The following BFSP1 variants were observed in gnomAD, a reference collection of about 807,000 sequenced individuals.
BFSP1 encodes the protein filensin.
BFSP1 carries 38 observed loss-of-function variants against 43.9 expected under a neutral mutation model. That is an observed-to-expected ratio of 0.87 (90% confidence interval 0.67 to 1.14). BFSP1 has a LOEUF of 1.14. Among genes scored for constraint, BFSP1 ranks in the 50% most tolerant of loss-of-function variants. The pLI is 0.00. For synonymous variants in BFSP1, 352 were observed against 354.8 expected, an observed-to-expected ratio of 0.99 and a Z score of 0.09; for missense variants, 850 against 875.1, an observed-to-expected ratio of 0.97 and a Z score of 0.36.
Position 17,494,368 on chromosome 20 carries a change from C to A in BFSP1, c.1704G>T (p.Glu568Asp), listed in dbSNP as rs1317947125. The change falls in exon 8 of 8, where the codon GAG (glutamate) becomes GAT (aspartate). Residue 568 changes from glutamate to aspartate, a missense_variant. Glu to Asp is a conservative substitution (Grantham distance 45, BLOSUM62 2). Transcript: ENST00000377873. ...TGACCATGGCACAGGGTCTCCTGGA[C>A]TCTTCGTCCCGCTCCTCACCCTCAC... ...EKREGEERDE[E>D]SRRPCAMVTP... is the part of the protein sequence containing the mutation. The A allele has an allele frequency of 1.2e-6, 2 of 1,614,104 alleles. No individual in the cohort carries two copies. The highest frequency in any genetic ancestry group is 4.5e-5 in the East Asian group (2 of 44,894).
chr20:17,568,959 G>A (rs1438000306), intron 1 of BFSP1, among the ~76,000 whole-genome samples: 1 of 152,038 alleles, frequency 6.6e-6, no homozygotes, highest in Non-Finnish European at 1.5e-5. Flanking sequence ...AAAAACGCTG[G>A]GATTCATCTG....
chr20:17,518,357 G>A (rs1433562584), intron 2 of BFSP1, among the ~76,000 whole-genome samples: 1 of 152,166 alleles, frequency 6.6e-6, no homozygotes, highest in Non-Finnish European at 1.5e-5. Flanking sequence ...TCTGCCTTCA[G>A]GGGGTTACCA....
intron 5 of BFSP1, among the ~76,000 whole-genome samples, chr20:17,500,718 C>A (rs926617097): frequency 1.3e-5 from 2 of 152,094 alleles, no homozygotes; most frequent in African/African-American, 4.8e-5. Flanking sequence ...CTACAGCTCA[C>A]GTTTCCCACA....
intron 1 of BFSP1, among the ~76,000 whole-genome samples, chr20:17,551,754 G>A (rs1398997434): frequency 5.9e-5 from 9 of 152,100 alleles, no homozygotes; most frequent in South Asian, 4.2e-4. Context: ...AGGCAGAGGC[G>A]GGTGGATCAC....
upstream of BFSP1, among the ~76,000 whole-genome samples, chr20:17,531,791 A>AT (rs1401542609): frequency 8.0e-3 from 1,133 of 141,934 alleles, 15 homozygotes; most frequent in African/African-American, 0.026. Context: ...TAACAATGCC[A>AT]TTTTTTTTTT....
chr20:17,537,266 C>G (rs369403761), intron 1 of BFSP1, among the ~76,000 whole-genome samples: 1 of 152,216 alleles, frequency 6.6e-6, no homozygotes, highest in East Asian at 1.9e-4. Flanking sequence ...GCAGGCAGAC[C>G]CCTGGCTCCC....
chr20:17,521,906 G>A (rs928730522), intron 2 of BFSP1, among the ~76,000 whole-genome samples: 1 of 152,170 alleles, frequency 6.6e-6, no homozygotes, highest in Non-Finnish European at 1.5e-5. Flanking sequence ...TATGAGGGGT[G>A]GGGAACTTAT....
intron 3 of BFSP1, 91 bp downstream of exon 3, chr20:17,514,630 G>T: frequency 7.9e-7 from 1 of 1,260,306 alleles, no homozygotes; most frequent in Non-Finnish European, 1.2e-6. Flanking sequence ...TGCCACTCTA[G>T]CAGTCTGTTT....
chr20:17,522,948 C>T (rs954675200), intron 2 of BFSP1, among the ~76,000 whole-genome samples: 2 of 152,170 alleles, frequency 1.3e-5, no homozygotes, highest in Non-Finnish European at 2.9e-5. Flanking sequence ...AGCTCACCTG[C>T]GGGCAGTACT....
intron 7 of BFSP1, 68 bp from the exon 8 acceptor site, chr20:17,495,097 G>T: frequency 7.0e-7 from 1 of 1,426,090 alleles, no homozygotes; most frequent in Non-Finnish European, 9.6e-7. Flanking sequence ...TACGCTGGTT[G>T]GAAAATAGGC....
At chr20:17,497,121 G>T in intron 6 of BFSP1, 98 bp from the exon 7 acceptor site, 1 of 886,332 alleles carries the variant, frequency 1.1e-6, no homozygotes, top group Non-Finnish European at 1.7e-6. Flanking sequence ...GCTTTCTCTA[G>T]ACCAAATTGC....
intron 5 of BFSP1, among the ~76,000 whole-genome samples, chr20:17,505,137 T>C (rs1319884480): frequency 6.6e-6 from 1 of 152,166 alleles, no homozygotes; most frequent in African/African-American, 2.4e-5. Flanking sequence ...ACCTGTCCTT[T>C]CCTCTCCACC....
chr20:17,508,894 C>A lies in BFSP1; in HGVS notation c.730G>T (p.Ala244Ser). ...HLQAQRVELQ[A>S]QTTTLEQAIK... ...CGCGGCAGACTCGAGCGTACCTGTGCCTGCAGCTCCACTCTCTGCGCCTGC... is the reference window on the plus strand; with the variant it reads ...CGCGGCAGACTCGAGCGTACCTGTGACTGCAGCTCCACTCTCTGCGCCTGC... Residue 244 changes from alanine to serine, a missense_variant, in exon 5 of 8, where the codon GCA (alanine) becomes TCA (serine). Ala to Ser is a moderately conservative substitution (Grantham distance 99). Coordinates refer to ENST00000377873, the MANE Select transcript of BFSP1 (RefSeq NM_001195.5). 1 of 1,590,688 alleles carries A rather than the reference C, an allele frequency of 6.3e-7. No individual in the cohort carries two copies. The highest frequency in any genetic ancestry group is 8.5e-7 in the Non-Finnish European group (1 of 1,169,868).
chr20:17,567,237 A>G (rs1433417090), intron 1 of BFSP1, among the ~76,000 whole-genome samples: 1 of 152,204 alleles, frequency 6.6e-6, no homozygotes, highest in Non-Finnish European at 1.5e-5. Flanking sequence ...TGATAAACTG[A>G]TATATAAGTT....
intron 1 of BFSP1, among the ~76,000 whole-genome samples, chr20:17,568,971 GC>G (rs2122142730): frequency 6.6e-6 from 1 of 152,138 alleles, no homozygotes; most frequent in Admixed American, 6.5e-5. Context: ...ATTCATCTGG[GC>G]CCTCTGAAAA....
chr20:17,534,950 G>A (rs1371681630), upstream of BFSP1, among the ~76,000 whole-genome samples: 2 of 152,046 alleles, frequency 1.3e-5, no homozygotes, highest in African/African-American at 2.4e-5. Context: ...AATCCGGAGG[G>A]GTAGAGGTTG....
In BFSP1 at chr20:17,530,950, T is replaced by G; in HGVS notation, c.377+3A>C. On this transcript the variant is annotated splice_donor_region_variant and intron_variant, in intron 1 of 7. Coordinates refer to ENST00000377873, the MANE Select transcript of BFSP1 (RefSeq NM_001195.5). Reference sequence around the variant, plus strand: ...TCGGTTTCCCCCGATGGCCGCCGCTTACTTGCTTCGGAACTCGTCGAGCGC... The same window carrying G: ...TCGGTTTCCCCCGATGGCCGCCGCTGACTTGCTTCGGAACTCGTCGAGCGC... 7.0e-7 allele frequency: 1 copy of G among 1,424,332 alleles called. No individual in the cohort carries two copies. Among genetic ancestry groups the G allele is most frequent in the Non-Finnish European group, 9.1e-7 (1 of 1,093,006 alleles). The allele number at this position is 1,424,332 out of a possible 1,614,324, so 88.2% of individuals were successfully genotyped here.
rs1334728293 is a variant in BFSP1 at position 17,525,288 on chromosome 20, C to T, written c.378-380G>A. Among the ~76,000 whole-genome samples, 2 of 152,188 alleles carry T rather than the reference C, an allele frequency of 1.3e-5. No homozygotes were observed. Among genetic ancestry groups the T allele is most frequent in the African/African-American group, 2.4e-5 (1 of 41,438 alleles). On this transcript the variant is annotated intron_variant, in intron 1 of 7. Coordinates refer to ENST00000377873, the MANE Select transcript of BFSP1 (RefSeq NM_001195.5). This position sits in a 1 kb window ranked among gnomAD's most constrained non-coding sequence, Gnocchi z 4.2. The stretch of plus-strand genomic sequence containing the variant: ...AGACTGCCCTGCACAATCTACACCA[C>T]CATTAACCTGACCGTACTTGGATTT...
At chr20:17,530,918 C>A (rs1304486491) in intron 1 of BFSP1, 35 bp downstream of exon 1, 1 of 1,374,112 alleles carries the variant, frequency 7.3e-7, no homozygotes, top group South Asian at 1.7e-5. Flanking sequence ...ACGGCCCACG[C>A]CCTGCCTCGG....
Sources: gnomAD v4.1 joint callset for allele counts (sites outside exome capture counted in the v4.1 genomes callset) on GRCh38, gnomAD v4.1.1 for gene constraint, Gnocchi (gnomAD v3.1) non-coding constraint, MANE v1.5 for transcripts, NCBI Gene and HGNC (gene_info 2026-07-23, HGNC 2026-07-21) for gene names.